Variants in OR51B5 observed in about 807,000 individuals in gnomAD.
OR51B5 encodes olfactory receptor family 51 subfamily B member 5, also known as olfactory receptor 51B5.
For missense variants in OR51B5, 456 were observed against 374.6 expected (o/e 1.22, Z -1.79); for synonymous variants, 186 against 144.8 (o/e 1.28, Z -2.04).
intron 1 of OR51B5, among the ~76,000 whole-genome samples, chr11:5,490,491 A>C (rs1045683377): frequency 6.6e-6 from 1 of 152,166 alleles, no homozygotes; most frequent in African/African-American, 2.4e-5. Flanking sequence ...TTTTAGTTAT[A>C]AGGTTATCCC....
intron 1 of OR51B5, among the ~76,000 whole-genome samples, chr11:5,477,981 G>A (rs1014385203): frequency 8.6e-4 from 131 of 151,994 alleles, no homozygotes; most frequent in Non-Finnish European, 1.5e-3. Context: ...CAAAGCAGCC[G>A]GGAAGCTCCA....
chr11:5,441,355 C>T (rs752765033), intron 1 of OR51B5: 1 of 1,613,942 alleles, frequency 6.2e-7, no homozygotes, highest in East Asian at 2.2e-5. Context: ...AGAGCAGGCT[C>T]CCAAAACACC....
intron 1 of OR51B5, among the ~76,000 whole-genome samples, chr11:5,479,807 G>A (rs1037135691): frequency 2.8e-5 from 4 of 144,712 alleles, no homozygotes; most frequent in African/African-American, 1.0e-4. Context: ...AACAAGAAGA[G>A]CTAACTATCC....
At chr11:5,413,624 G>A (rs565287615) in intron 1 of OR51B5, among the ~76,000 whole-genome samples, 7 of 152,300 alleles carry the variant, frequency 4.6e-5, no homozygotes, top group South Asian at 2.1e-4. Context: ...GCTCGAGAAC[G>A]ATGTGAAGAA....
chr11:5,465,950 T>C (rs1325349622), intron 1 of OR51B5, among the ~76,000 whole-genome samples: 6 of 150,386 alleles, frequency 4.0e-5, no homozygotes, highest in Non-Finnish European at 1.5e-5. Flanking sequence ...AAGACAAAAT[T>C]GAGAAATGGG....
intron 1 of OR51B5, among the ~76,000 whole-genome samples, chr11:5,379,049 C>T (rs1849570865): frequency 6.6e-6 from 1 of 151,008 alleles, no homozygotes; most frequent in African/African-American, 2.4e-5. Context: ...ATAGCAAAGA[C>T]TTGGAACCAA....
chr11:5,357,042 T>C (rs561281055), intron 1 of OR51B5, among the ~76,000 whole-genome samples: 1 of 151,942 alleles, frequency 6.6e-6, no homozygotes, highest in Non-Finnish European at 1.5e-5. Flanking sequence ...GTAAAGACCA[T>C]TGAGGCTAGG....
At chr11:5,427,140 T>C (rs1010459927) in intron 1 of OR51B5, among the ~76,000 whole-genome samples, 1 of 152,214 alleles carries the variant, frequency 6.6e-6, no homozygotes, top group Non-Finnish European at 1.5e-5. Flanking sequence ...ACATTTCCCC[T>C]TCTCCTTCTC....
At position 5,376,689 on chromosome 11, in the gene OR51B5, C is replaced by G. The variant is rs1589962113; in HGVS notation, n.85-29779G>C. Reference sequence around the variant, plus strand: ...AGAGAATACTACAAACACCTCTACGCAAATAAACTAGAAAATCTAGAAGAA... The same window carrying G: ...AGAGAATACTACAAACACCTCTACGGAAATAAACTAGAAAATCTAGAAGAA... On this transcript the variant is annotated intron_variant and non_coding_transcript_variant, in intron 1 of 4. Transcript: ENST00000415970. Among the ~76,000 whole-genome samples, 4 of 152,082 alleles carry G rather than the reference C, an allele frequency of 2.6e-5. No individual in the cohort carries two copies. The South Asian group carries it at 6.2e-4, about 24-fold the overall frequency.
At chr11:5,405,313 T>G (rs751049139) in intron 1 of OR51B5, among the ~76,000 whole-genome samples, 10 of 152,184 alleles carry the variant, frequency 6.6e-5, no homozygotes, top group Non-Finnish European at 1.5e-4. Flanking sequence ...ATCTAAGACC[T>G]AGCATTGGAA....
intron 1 of OR51B5, among the ~76,000 whole-genome samples, chr11:5,357,209 G>C (rs1464729810): frequency 6.6e-6 from 1 of 152,098 alleles, no homozygotes; most frequent in Non-Finnish European, 1.5e-5. Flanking sequence ...AGACCCATCA[G>C]TGTGCTGTAT....
intron 1 of OR51B5, chr11:5,422,090 G>A: frequency 1.1e-6 from 1 of 880,330 alleles, no homozygotes; most frequent in Non-Finnish European, 1.7e-6. Flanking sequence ...CAACAACTCT[G>A]AACATTTATT....
At chr11:5,393,660 C>CA (rs1849829373) in intron 1 of OR51B5, among the ~76,000 whole-genome samples, 1 of 152,124 alleles carries the variant, frequency 6.6e-6, no homozygotes, top group African/African-American at 2.4e-5. Context: ...GCATTTAACT[C>CA]ACGGTAGAGA....
chr11:5,428,811 C>T (rs1300984092), intron 1 of OR51B5, among the ~76,000 whole-genome samples: 1 of 152,194 alleles, frequency 6.6e-6, no homozygotes, highest in Non-Finnish European at 1.5e-5. Flanking sequence ...AAACTAATCA[C>T]CTCCTTGTTC....
At chr11:5,473,608 A>G (rs1851261943) in intron 1 of OR51B5, among the ~76,000 whole-genome samples, 3 of 152,196 alleles carry the variant, frequency 2.0e-5, no homozygotes. Context: ...TTTAGTTATC[A>G]GTGAAAACCT....
chr11:5,377,837 C>T (rs986392924), intron 1 of OR51B5, among the ~76,000 whole-genome samples: 3 of 152,082 alleles, frequency 2.0e-5, no homozygotes, highest in Non-Finnish European at 4.4e-5. Flanking sequence ...GAAGAACATT[C>T]CATGCTTATG....
intron 1 of OR51B5, among the ~76,000 whole-genome samples, chr11:5,479,720 T>C (rs1851384429): frequency 6.7e-6 from 1 of 148,306 alleles, no homozygotes; most frequent in Admixed American, 6.7e-5. Context: ...TCCTAGTCTC[T>C]GATAAAATAG....
intron 1 of OR51B5, among the ~76,000 whole-genome samples, chr11:5,399,220 G>A (rs1234454951): frequency 6.6e-6 from 1 of 152,178 alleles, no homozygotes; most frequent in Non-Finnish European, 1.5e-5. Context: ...TCTATTAAGT[G>A]GGAAATTCTT....
At chr11:5,411,949 C>T (rs1028857447) in intron 1 of OR51B5, among the ~76,000 whole-genome samples, 1 of 152,158 alleles carries the variant, frequency 6.6e-6, no homozygotes, top group African/African-American at 2.4e-5. Flanking sequence ...GCAAGGTGGT[C>T]CAGCCAATCT....
Sources: gnomAD v4.1 joint callset for allele counts (sites outside exome capture counted in the v4.1 genomes callset) on GRCh38, gnomAD v4.1.1 for gene constraint, MANE v1.5 for transcripts, NCBI Gene and HGNC (gene_info 2026-07-23, HGNC 2026-07-21) for gene names.